NLGN1: variants seen among roughly 807,000 people sequenced by gnomAD.
NLGN1 encodes neuroligin-1.
A neutral mutation model predicts 65.5 loss-of-function variants in NLGN1; 12 were observed. The observed-to-expected ratio is 0.18, with a 90% CI of 0.12 to 0.30. NLGN1 has a LOEUF of 0.30. Among genes scored for constraint, NLGN1 ranks in the 10% least tolerant of loss-of-function variants. NLGN1 has a pLI of 1.00. For synonymous variants in NLGN1, 350 were observed against 359.5 expected, an observed-to-expected ratio of 0.97 and a Z score of 0.30; for missense variants, 750 against 1,007.1, an observed-to-expected ratio of 0.74 and a Z score of 3.46.
intron 3 of NLGN1, among the ~76,000 whole-genome samples, chr3:173,649,485 A>G (rs996298292): frequency 1.1e-4 from 16 of 152,152 alleles, no homozygotes; most frequent in African/African-American, 2.9e-4. Flanking sequence ...TTATGTGTCA[A>G]TTATACCTGA....
At chr3:173,721,468 A>G (rs961743997) in intron 3 of NLGN1, among the ~76,000 whole-genome samples, 1 of 152,206 alleles carries the variant, frequency 6.6e-6, no homozygotes, top group African/African-American at 2.4e-5. Context: ...TTTGCTTTCA[A>G]ATTTCTCAGG....
Position 173,730,869 on chromosome 3 carries a change from C to A in NLGN1, c.494-76811C>A, listed in dbSNP as rs893584131. ...GAGCACCTGTAGAAGATAATAAAAT[C>A]TCTGATATATTCTCTTTGAAAATAA... On this transcript the variant is annotated intron_variant, in intron 3 of 6. Coordinates refer to ENST00000457714, the Ensembl canonical transcript of NLGN1. 4.6e-5 allele frequency among the ~76,000 whole-genome samples: 7 copies of A among 152,032 alleles called. No homozygotes were observed. The South Asian group carries it at 6.2e-4, about 14-fold the overall frequency.
At position 173,539,725 on chromosome 3, in the gene NLGN1, C is replaced by CACATATATACATATATGT. The variant is rs1491221449; in HGVS notation, c.-320-64544_-320-64527dup. Among the ~76,000 whole-genome samples, 765 of 120,836 alleles carry CACATATATACATATATGT rather than the reference C, an allele frequency of 6.3e-3. 5 individuals are homozygous for CACATATATACATATATGT. Among genetic ancestry groups the CACATATATACATATATGT allele is most frequent in the Non-Finnish European group, 0.01 (626 of 59,796 alleles). 79.3% of individuals were successfully genotyped at this position (120,836 alleles called of 152,430 possible). Reference sequence around the variant, plus strand: ...ACATATATACATATATGTACATATGCACATATATACATATATGTACATATA... The same window carrying CACATATATACATATATGT: ...ACATATATACATATATGTACATATGCACATATATACATATATGTACATATATACATATATGTACATATA... On this transcript the variant is annotated intron_variant, in intron 2 of 6. Transcript: ENST00000457714.
chr3:173,668,437 A>G (rs1762010999), intron 3 of NLGN1, among the ~76,000 whole-genome samples: 1 of 152,062 alleles, frequency 6.6e-6, no homozygotes. Flanking sequence ...ATATTGAAGT[A>G]CAACACAAGT....
At chr3:174,238,717 C>T (rs1577518079) in intron 4 of NLGN1, among the ~76,000 whole-genome samples, 1 of 152,132 alleles carries the variant, frequency 6.6e-6, no homozygotes, top group African/African-American at 2.4e-5. Context: ...TCAGTTCAGG[C>T]TCTAATTTAT....
At chr3:173,767,067 G>T (rs549275259) in intron 3 of NLGN1, among the ~76,000 whole-genome samples, 2 of 152,114 alleles carry the variant, frequency 1.3e-5, no homozygotes, top group African/African-American at 4.8e-5. Context: ...GTATTTTAAA[G>T]CTTCAGCTAT....
chr3:173,592,532 T>C (rs1748706501), intron 2 of NLGN1, among the ~76,000 whole-genome samples: 1 of 152,182 alleles, frequency 6.6e-6, no homozygotes, highest in Non-Finnish European at 1.5e-5. Flanking sequence ...TTCCATTGTA[T>C]TGTCATTTGT....
intron 3 of NLGN1, among the ~76,000 whole-genome samples, chr3:173,719,698 G>A (rs1028104896): frequency 6.6e-6 from 1 of 152,224 alleles, no homozygotes; most frequent in African/African-American, 2.4e-5. Flanking sequence ...GCTGGAGACA[G>A]AAGTTATTAA....
At chr3:174,033,743 A>G (rs956183692) in intron 4 of NLGN1, among the ~76,000 whole-genome samples, 2 of 152,176 alleles carry the variant, frequency 1.3e-5, no homozygotes, top group Non-Finnish European at 2.9e-5. Flanking sequence ...AGGACAACGG[A>G]AACTTCCAAA....
intron 4 of NLGN1, among the ~76,000 whole-genome samples, chr3:174,213,276 A>C (rs2152796576): frequency 6.6e-6 from 1 of 152,332 alleles, no homozygotes; most frequent in African/African-American, 2.4e-5. Flanking sequence ...ATTCTGCTAT[A>C]ATAGTTGTCC....
At chr3:174,204,477 T>C (rs1735053803) in intron 4 of NLGN1, among the ~76,000 whole-genome samples, 2 of 152,224 alleles carry the variant, frequency 1.3e-5, no homozygotes, top group Admixed American at 1.3e-4. Context: ...CATCCACGGA[T>C]GTTAACTGAA....
chr3:174,128,290 T>G (rs1719399675), intron 4 of NLGN1, among the ~76,000 whole-genome samples: 1 of 152,186 alleles, frequency 6.6e-6, no homozygotes, highest in Admixed American at 6.5e-5. Context: ...AAGAGGTAAT[T>G]CATTTCTAAT....
At chr3:173,807,923 T>C in intron 4 of NLGN1, 91 bp downstream of exon 4, 1 of 1,343,518 alleles carries the variant, frequency 7.4e-7, no homozygotes, top group Non-Finnish European at 1.1e-6. Flanking sequence ...TTGCTTTGTT[T>C]CACCCATTTT....
intron 2 of NLGN1, among the ~76,000 whole-genome samples, chr3:173,573,078 C>A (rs572779280): frequency 1.4e-5 from 2 of 147,542 alleles, no homozygotes; most frequent in African/African-American, 4.9e-5. Context: ...TACTTCCGAA[C>A]CCTGAAACTA....
rs117990477 is a variant in NLGN1, at chr3:173,622,670, G to C, written c.493+17579G>C. 6.1e-4 allele frequency among the ~76,000 whole-genome samples: 93 copies of C among 152,120 alleles called. 2 individuals are homozygous for C. In the East Asian group the frequency reaches 0.018, roughly 29 times the overall value. On this transcript the variant is annotated intron_variant, in intron 3 of 6. Coordinates refer to ENST00000457714, the Ensembl canonical transcript of NLGN1. ...TGTAAGATGATTATGCTGATGCCAG[G>C]ACTGCATCGGAGAAGTGGTTTTATT...
chr3:173,462,078 T>C (rs979962164), intron 2 of NLGN1, among the ~76,000 whole-genome samples: 2 of 152,104 alleles, frequency 1.3e-5, no homozygotes, highest in Non-Finnish European at 2.9e-5. Flanking sequence ...AAGTAAAAAA[T>C]AGAATTTTTT....
intron 4 of NLGN1, among the ~76,000 whole-genome samples, chr3:174,123,331 A>G (rs975004577): frequency 4.6e-5 from 7 of 152,122 alleles, no homozygotes; most frequent in Admixed American, 1.3e-4. Context: ...GAGCCCATGC[A>G]TCGTCTGTGG....
intron 4 of NLGN1, among the ~76,000 whole-genome samples, chr3:173,994,412 C>A (rs141880220): frequency 3.1e-5 from 4 of 129,738 alleles, no homozygotes; most frequent in Non-Finnish European, 4.6e-5. Flanking sequence ...GTGGATAATT[C>A]TCAGTGAGAT....
At chr3:173,429,309 G>A (rs2097447155) in intron 1 of NLGN1, among the ~76,000 whole-genome samples, 1 of 151,932 alleles carries the variant, frequency 6.6e-6, no homozygotes, top group South Asian at 2.1e-4. Context: ...TCTAGCCGTT[G>A]TATTTCTCAG....
Sources: gnomAD v4.1 joint callset for allele counts (sites outside exome capture counted in the v4.1 genomes callset) on GRCh38, gnomAD v4.1.1 for gene constraint, MANE v1.5 for transcripts, NCBI Gene and HGNC (gene_info 2026-07-23, HGNC 2026-07-21) for gene names.